CATSPER1: variants seen among roughly 807,000 people sequenced by gnomAD.
The protein encoded by CATSPER1 is cation channel sperm-associated protein 1.
In CATSPER1, 57 loss-of-function variants were observed where a neutral mutation model predicts 72.7. The ratio of observed to expected loss-of-function variants is 0.78; its 90% CI spans 0.63 to 0.98. The LOEUF (loss-of-function observed/expected upper bound fraction) is 0.98. Ranked by LOEUF, CATSPER1 falls within the 50% of genes least tolerant of loss-of-function variation. CATSPER1 has a pLI of 0.00. For missense variants in CATSPER1, 910 were observed against 1,033.9 expected, an observed-to-expected ratio of 0.88 and a Z score of 1.64; for synonymous variants, 363 against 403.0, an observed-to-expected ratio of 0.90 and a Z score of 1.19.
rs766464484 is a variant in CATSPER1 at position 66,025,960 on chromosome 11, G to A, written c.420C>T (p.Asp140=). 49 of 1,613,680 alleles carry A rather than the reference G, an allele frequency of 3.0e-5. 2 individuals carry two copies. In the South Asian group the frequency reaches 3.5e-4, roughly 12 times the overall value. ...SQYGGFHQQS[D]SHYHRGSHHG... ...GGTGAGACCCCCTATGGTAATGGGA[G>A]TCACTCTGCTGATGGAACCCACCGT... The change falls in exon 1 of 12, where the codon GAC becomes GAT. Residue 140 remains aspartate, a synonymous_variant. Coordinates refer to ENST00000312106, the MANE Select transcript of CATSPER1 (RefSeq NM_053054.4).
rs775633705 is a variant in CATSPER1 at position 66,021,879 on chromosome 11, T to G, written c.1430A>C (p.Glu477Ala). 5.6e-6 allele frequency: 9 copies of G among 1,611,608 alleles called. No homozygotes were observed. The Middle Eastern group carries it at 1.3e-3, about 240-fold the overall frequency. ...GGAGTCCAAGGCCATGAAGTACCACTCTGCAGGAACACAGGGGTGCACTCA... is the reference window on the plus strand; with the variant it reads ...GGAGTCCAAGGCCATGAAGTACCACGCTGCAGGAACACAGGGGTGCACTCA... ...QTFAEVEIRGEWYFMALDSIF... is the reference protein window; with the variant it reads ...QTFAEVEIRGAWYFMALDSIF... Residue 477 changes from glutamate to alanine, a missense_variant and splice_region_variant, in exon 3 of 12, where the codon GAG becomes GCG. Physicochemically the swap from Glu to Ala is moderately radical, Grantham distance 107 (BLOSUM62 -1). Coordinates refer to ENST00000312106, the MANE Select transcript of CATSPER1 (RefSeq NM_053054.4).
At chr11:66,023,430 C>T (rs1168407667) in intron 1 of CATSPER1, among the ~76,000 whole-genome samples, 1 of 152,116 alleles carries the variant, frequency 6.6e-6, no homozygotes, top group Non-Finnish European at 1.5e-5. Context: ...GCACCCAGTG[C>T]CCTCTCTCTC....
chr11:66,021,298 T>C (rs1230736555), intron 4 of CATSPER1, 113 bp from the exon 5 acceptor site: 1 of 1,246,904 alleles, frequency 8.0e-7, no homozygotes, highest in Non-Finnish European at 1.1e-6. Flanking sequence ...TGTTGGTGAC[T>C]TGGGTGAGTC....
rs139150042 is a variant in CATSPER1, at chr11:66,024,110, C to T, written c.1217-1049G>A. ...TCCTGTGTAGCCAGGATTACAGGCACGCACCACCACACCCGGCTAATTTTT... is the reference window on the plus strand; with the variant it reads ...TCCTGTGTAGCCAGGATTACAGGCATGCACCACCACACCCGGCTAATTTTT... On this transcript the variant is annotated intron_variant, in intron 1 of 11. Coordinates refer to ENST00000312106, the MANE Select transcript of CATSPER1 (RefSeq NM_053054.4). Among the ~76,000 whole-genome samples the T allele has an allele frequency of 4.7e-3, 711 of 150,992 alleles. 29 individuals are homozygous for T. In the East Asian group the frequency reaches 0.1, roughly 22 times the overall value.
At chr11:66,022,538 C>G (rs1856396532) in intron 2 of CATSPER1, among the ~76,000 whole-genome samples, 2 of 152,188 alleles carry the variant, frequency 1.3e-5, no homozygotes, top group African/African-American at 2.4e-5. Flanking sequence ...TTCTCGGGCT[C>G]CCGGCCCTTC....
intron 4 of CATSPER1, 77 bp from the exon 5 acceptor site, chr11:66,021,262 G>A: frequency 6.9e-7 from 1 of 1,442,370 alleles, no homozygotes. Flanking sequence ...GCCACAGCTG[G>A]CGCTGAAGGC....
rs377188056 is a variant in CATSPER1 at position 66,017,042 on chromosome 11, C to T, written c.2316+18G>A. 151 of 1,613,548 alleles carry T rather than the reference C, an allele frequency of 9.4e-5. No individual in the cohort carries two copies. Among genetic ancestry groups the T allele is most frequent in the African/African-American group, 7.2e-4 (54 of 75,044 alleles). On this transcript the variant is annotated intron_variant, in intron 11 of 11. Coordinates refer to ENST00000312106, the MANE Select transcript of CATSPER1 (RefSeq NM_053054.4). Reference sequence around the variant, plus strand: ...GGGGTTCCCCTCGCCGGCCCCTTCCCGCTCCTGCCTGGTTCACCTCAAATG... The same window carrying T: ...GGGGTTCCCCTCGCCGGCCCCTTCCTGCTCCTGCCTGGTTCACCTCAAATG...
chr11:66,021,306 G>T, intron 4 of CATSPER1, 121 bp from the exon 5 acceptor site: 1 of 1,217,636 alleles, frequency 8.2e-7, no homozygotes, highest in Non-Finnish European at 1.2e-6. Flanking sequence ...ACTTGGGTGA[G>T]TCCTGGCCCC....
chr11:66,021,375 G>T, intron 4 of CATSPER1, 121 bp downstream of exon 4: 1 of 1,351,920 alleles, frequency 7.4e-7, no homozygotes, highest in Non-Finnish European at 1.0e-6. Context: ...AGCAGGCTGG[G>T]GTCAGCAGCC....
rs768082701 is a variant in CATSPER1, at chr11:66,025,925, G to T, written c.455C>A (p.Pro152His). 1.2e-6 allele frequency: 2 copies of T among 1,613,356 alleles called. No homozygotes were observed. Among genetic ancestry groups the T allele is most frequent in the Non-Finnish European group, 1.7e-6 (2 of 1,179,858 alleles). ...HYHRGSHHGR[P>H]QYLGENLSHY... ...GGATAAATTCTCACCGAGATATTGG[G>T]GTCTGCCATGGTGAGACCCCCTATG... is the stretch of plus-strand genomic sequence containing the variant. Residue 152 changes from proline (P) to histidine (H), a missense_variant, in exon 1 of 12, where the codon CCC (proline) becomes CAC (histidine). By Grantham distance (77) the Pro-to-His change is moderately conservative (BLOSUM62 -2). Transcript: ENST00000312106.
rs1184504984 is a variant in CATSPER1 at position 66,020,341 on chromosome 11, T to G, written c.2040A>C (p.Lys680Asn). The G allele has an allele frequency of 6.2e-7, 1 of 1,614,096 alleles. No homozygotes were observed. Among genetic ancestry groups the G allele is most frequent in the South Asian group, 1.1e-5 (1 of 91,086 alleles). Residue 680 changes from lysine to asparagine, a missense_variant, in exon 8 of 12, where the codon AAA becomes AAC. Transcript: ENST00000312106. The surrounding 1 kb of genome is among the most constrained non-coding windows in gnomAD (Gnocchi z 4.5). The part of the protein sequence containing the change: ...LVDSFQTALF[K>N]GLEKAKQERA... ...CCTCCTGCTTCGCTTTCTCAAGGCCTTTGAACAGCGCCGTCTGGAAGCTAT... is the reference window on the plus strand; with the variant it reads ...CCTCCTGCTTCGCTTTCTCAAGGCCGTTGAACAGCGCCGTCTGGAAGCTAT...
chr11:66,026,191 G>C lies in CATSPER1; in HGVS notation c.189C>G (p.Phe63Leu). The C allele has an allele frequency of 1.2e-6, 2 of 1,608,076 alleles. No individual in the cohort carries two copies. Among genetic ancestry groups the C allele is most frequent in the Non-Finnish European group, 1.7e-6 (2 of 1,174,922 alleles). ...QRGESHHPPE[F>L]QDFHDQALSS... ...ACAAGGCTTGGTCGTGGAAGTCTTG[G>C]AACTCCGGAGGGTGGTGAGATTCAC... The change falls in exon 1 of 12, where the codon TTC becomes TTG. Residue 63 changes from phenylalanine to leucine, a missense_variant. Transcript: ENST00000312106.
chr11:66,019,918 CAAAAAAAAAAAAAAA>C (rs60681273), intron 9 of CATSPER1, among the ~76,000 whole-genome samples: 25 of 62,700 alleles, frequency 4.0e-4, no homozygotes, highest in Non-Finnish European at 5.9e-4. Flanking sequence ...GACTCCATCT[CAAAAAAAAAAAAAAA>C]AAAAAAAAAA....
rs146534093 is a variant in CATSPER1, at chr11:66,020,316, C to A, written c.2064+1G>T. 42 of 1,614,080 alleles carry A rather than the reference C, an allele frequency of 2.6e-5. No homozygotes were observed. Among genetic ancestry groups the A allele is most frequent in the Non-Finnish European group, 3.5e-5 (41 of 1,180,056 alleles). ...TCCACCTGTCCCACCCCACTCGGTA[C>A]CTCCTGCTTCGCTTTCTCAAGGCCT... On this transcript the variant is annotated splice_donor_variant, in intron 8 of 11. Transcript: ENST00000312106. LOFTEE classifies it high-confidence loss of function. This position sits in a 1 kb window ranked among gnomAD's most constrained non-coding sequence, Gnocchi z 4.5.
Position 66,016,869 on chromosome 11 carries a change from G to A in CATSPER1, c.*21C>T. The A allele has an allele frequency of 6.2e-7, 1 of 1,613,026 alleles. No homozygotes were observed. Among genetic ancestry groups the A allele is most frequent in the South Asian group, 1.1e-5 (1 of 90,930 alleles). ...GGCAGACTGCCAGGGGCTGAAGTCT[G>A]TATCTGGTGTCCTCCTGGGGTCAAT... is the stretch of plus-strand genomic sequence containing the variant. On this transcript the variant is annotated 3_prime_UTR_variant, in exon 12 of 12. Coordinates refer to ENST00000312106, the MANE Select transcript of CATSPER1 (RefSeq NM_053054.4).
intron 1 of CATSPER1, 66 bp from the exon 2 acceptor site, chr11:66,023,127 C>G (rs182096136): frequency 1.8e-5 from 26 of 1,421,708 alleles, no homozygotes; most frequent in Middle Eastern, 4.3e-4. Context: ...AGGCACCCCC[C>G]AGCCTGGCTC....
chr11:66,022,027 G>C (rs1012019483), intron 2 of CATSPER1, 148 bp from the exon 3 acceptor site: 16 of 707,628 alleles, frequency 2.3e-5, no homozygotes, highest in South Asian at 2.2e-4. Flanking sequence ...CTGTGTCTCA[G>C]TTTTCTTGTC....
At chr11:66,021,908 C>G in intron 2 of CATSPER1, 29 bp from the exon 3 acceptor site, 1 of 1,530,114 alleles carries the variant, frequency 6.5e-7, no homozygotes, top group Non-Finnish European at 9.1e-7. Flanking sequence ...GCACTCAGAG[C>G]TGTCCCCAGC....
chr11:66,018,193 G>C (rs1856278644), intron 10 of CATSPER1, among the ~76,000 whole-genome samples: 1 of 149,030 alleles, frequency 6.7e-6, no homozygotes, highest in Non-Finnish European at 1.5e-5. Flanking sequence ...GGGTGACAGA[G>C]TGAGACCCTG....
Sources: allele counts gnomAD v4.1 joint callset (sites outside exome capture counted in the v4.1 genomes callset), GRCh38; gene constraint gnomAD v4.1.1; non-coding constraint Gnocchi (gnomAD v3.1); transcripts MANE v1.5; gene names NCBI Gene and HGNC (gene_info 2026-07-23, HGNC 2026-07-21).